GPC5: variants seen among roughly 807,000 people sequenced by gnomAD.
The protein encoded by GPC5 is glypican 5.
GPC5 carries 47 observed loss-of-function variants against 53.9 expected under a neutral mutation model. The observed-to-expected ratio is 0.87, with a 90% CI of 0.69 to 1.11. The LOEUF is 1.11. Ranked by LOEUF, GPC5 falls within the 50% of genes most tolerant of loss-of-function variation. The pLI is 0.00. For synonymous variants in GPC5, 286 were observed against 263.3 expected (o/e 1.09, Z -0.84); for missense variants, 748 against 713.1 (o/e 1.05, Z -0.56).
At chr13:91,739,441 C>T (rs1183784444) in intron 4 of GPC5, among the ~76,000 whole-genome samples, 1 of 151,420 alleles carries the variant, frequency 6.6e-6, no homozygotes, top group Non-Finnish European at 1.5e-5. Flanking sequence ...CAACCATAAG[C>T]ATTTATTATC....
chr13:91,656,284 A>G lies in GPC5; in HGVS notation c.326-36903A>G, dbSNP rs11843736. Among the ~76,000 whole-genome samples, 1,112 of 152,316 alleles carry G rather than the reference A, an allele frequency of 7.3e-3. 11 individuals carry two copies. The highest frequency in any genetic ancestry group is 0.025 in the African/African-American group (1,052 of 41,572). On this transcript the variant is annotated intron_variant, in intron 2 of 7. Coordinates refer to ENST00000377067, the MANE Select transcript of GPC5 (RefSeq NM_004466.6). Reference sequence around the variant, plus strand: ...TAAAGTGTAAGTTTTTGGAATAGCCATATTGGCATCATGCATGACTGTCAC... The same window carrying G: ...TAAAGTGTAAGTTTTTGGAATAGCCGTATTGGCATCATGCATGACTGTCAC...
intron 1 of GPC5, among the ~76,000 whole-genome samples, chr13:91,433,663 G>A (rs1200923364): frequency 5.3e-5 from 8 of 151,722 alleles, no homozygotes; most frequent in East Asian, 1.9e-4. Context: ...ATAAACATAC[G>A]TGTGCATGTG....
At chr13:91,897,242 T>A (rs894838927) in intron 5 of GPC5, among the ~76,000 whole-genome samples, 1 of 152,012 alleles carries the variant, frequency 6.6e-6, no homozygotes, top group Non-Finnish European at 1.5e-5. Context: ...TAAGAAAAAG[T>A]TATTTACAAA....
At chr13:91,853,129 G>T (rs2038932183) in intron 5 of GPC5, among the ~76,000 whole-genome samples, 1 of 152,040 alleles carries the variant, frequency 6.6e-6, no homozygotes, top group Non-Finnish European at 1.5e-5. Context: ...GTATTGAATG[G>T]TAAATTATGG....
At chr13:91,403,044 T>C (rs1877064701) in intron 1 of GPC5, among the ~76,000 whole-genome samples, 1 of 152,206 alleles carries the variant, frequency 6.6e-6, no homozygotes, top group South Asian at 2.1e-4. Context: ...ATTCACACAA[T>C]TAGAATGTTG....
intron 7 of GPC5, among the ~76,000 whole-genome samples, chr13:92,368,687 A>G (rs1296111873): frequency 2.0e-5 from 3 of 148,584 alleles, no homozygotes; most frequent in Non-Finnish European, 4.5e-5. Context: ...TGGAAATGCT[A>G]TTTTATTTTG....
At chr13:92,813,086 G>A (rs986148702) in intron 7 of GPC5, among the ~76,000 whole-genome samples, 2 of 151,796 alleles carry the variant, frequency 1.3e-5, no homozygotes, top group Non-Finnish European at 2.9e-5. Flanking sequence ...TTTACATAAT[G>A]GGAAAATATT....
At chr13:92,280,938 G>C in intron 7 of GPC5, among the ~76,000 whole-genome samples, 1 of 152,190 alleles carries the variant, frequency 6.6e-6, no homozygotes, top group Non-Finnish European at 1.5e-5. Context: ...CTAAGCCAAA[G>C]CAGGGCAAGG....
chr13:92,651,564 C>A (rs1885959568), intron 7 of GPC5, among the ~76,000 whole-genome samples: 1 of 151,968 alleles, frequency 6.6e-6, no homozygotes, highest in Non-Finnish European at 1.5e-5. Context: ...GACATGACAA[C>A]CAAATGGAAT....
intron 6 of GPC5, among the ~76,000 whole-genome samples, chr13:92,027,698 A>G (rs982608666): frequency 1.3e-5 from 2 of 152,170 alleles, no homozygotes; most frequent in Non-Finnish European, 2.9e-5. Context: ...GACTTTTTGA[A>G]GGGAATTTAC....
chr13:92,440,231 T>C (rs1877491539), intron 7 of GPC5, among the ~76,000 whole-genome samples: 1 of 152,138 alleles, frequency 6.6e-6, no homozygotes, highest in South Asian at 2.1e-4. Flanking sequence ...CAATAGGTAG[T>C]TTTTCAACAC....
At chr13:92,411,110 A>G (rs966077352) in intron 7 of GPC5, among the ~76,000 whole-genome samples, 4 of 152,144 alleles carry the variant, frequency 2.6e-5, no homozygotes, top group African/African-American at 9.7e-5. Flanking sequence ...CAAAAAAACA[A>G]AACAAAAAAA....
intron 2 of GPC5, among the ~76,000 whole-genome samples, chr13:91,673,046 C>T (rs145676630): frequency 1.5e-3 from 228 of 151,042 alleles, no homozygotes; most frequent in African/African-American, 5.3e-3. Flanking sequence ...CACATGGATA[C>T]GGGGATGGGA....
intron 2 of GPC5, among the ~76,000 whole-genome samples, chr13:91,488,944 G>A (rs139708372): frequency 1.3e-4 from 20 of 152,290 alleles, no homozygotes; most frequent in South Asian, 2.1e-4. Flanking sequence ...CTTTGGGGGC[G>A]GCTGTCTTTT....
At chr13:91,918,395 A>ACAT (rs1299072550) in intron 6 of GPC5, among the ~76,000 whole-genome samples, 1 of 152,228 alleles carries the variant, frequency 6.6e-6, no homozygotes, top group Non-Finnish European at 1.5e-5. Context: ...TGTATATGGA[A>ACAT]CATCTCCTTA....
intron 7 of GPC5, among the ~76,000 whole-genome samples, chr13:92,484,121 C>T (rs989259851): frequency 2.0e-5 from 3 of 152,096 alleles, no homozygotes; most frequent in African/African-American, 7.2e-5. Context: ...CTGGGCAACA[C>T]AGTGATACCC....
chr13:92,352,726 T>C (rs1452625319), intron 7 of GPC5, among the ~76,000 whole-genome samples: 1 of 152,212 alleles, frequency 6.6e-6, no homozygotes, highest in African/African-American at 2.4e-5. Context: ...TGTGTATCTA[T>C]GGTGTCTTGA....
At chr13:91,610,563 C>G (rs1164945137) in intron 2 of GPC5, among the ~76,000 whole-genome samples, 1 of 152,146 alleles carries the variant, frequency 6.6e-6, no homozygotes, top group South Asian at 2.1e-4. Flanking sequence ...GTGTGTCTCA[C>G]TCTGAGACTG....
At chr13:92,188,141 G>A (rs890398154) in intron 7 of GPC5, among the ~76,000 whole-genome samples, 3 of 151,784 alleles carry the variant, frequency 2.0e-5, no homozygotes, top group Non-Finnish European at 4.4e-5. Context: ...GAGAGAACAG[G>A]GCTCTTTAAA....
Sources: allele counts gnomAD v4.1 joint callset (sites outside exome capture counted in the v4.1 genomes callset), GRCh38; gene constraint gnomAD v4.1.1; transcripts MANE v1.5; gene names NCBI Gene and HGNC (gene_info 2026-07-23, HGNC 2026-07-21).